Variants in CDH1 observed in about 807,000 individuals in gnomAD.
CDH1 encodes the protein cadherin-1.
A neutral mutation model predicts 84.5 loss-of-function variants in CDH1; 35 were observed. The observed-to-expected ratio is 0.41, with a 90% confidence interval of 0.32 to 0.55. The LOEUF is 0.55. Ranked by LOEUF, CDH1 falls within the 20% of genes least tolerant of loss-of-function variation. The pLI, the probability that CDH1 is intolerant of heterozygous loss-of-function variation, is 0.19. For missense variants in CDH1, 994 were observed against 1,126.6 expected, an observed-to-expected ratio of 0.88 and a Z score of 1.68; for synonymous variants, 417 against 439.0, an observed-to-expected ratio of 0.95 and a Z score of 0.63.
At chr16:68,746,122 T>A (rs1316971718) in intron 2 of CDH1, among the ~76,000 whole-genome samples, 1 of 152,196 alleles carries the variant, frequency 6.6e-6, no homozygotes, top group African/African-American at 2.4e-5. Flanking sequence ...CAGCCTTGAA[T>A]TTGATGTTTT....
intron 2 of CDH1, among the ~76,000 whole-genome samples, chr16:68,774,723 G>A (rs1597866145): frequency 6.6e-6 from 1 of 152,180 alleles, no homozygotes; most frequent in Admixed American, 6.5e-5. Context: ...CTGGGCAGCA[G>A]CTGGAGGGTG....
chr16:68,794,053 A>T (rs1304648685), intron 2 of CDH1, among the ~76,000 whole-genome samples: 1 of 151,110 alleles, frequency 6.6e-6, no homozygotes, highest in Non-Finnish European at 1.5e-5. Flanking sequence ...TTGTTTTTTG[A>T]TACAAGGTCT....
intron 2 of CDH1, among the ~76,000 whole-genome samples, chr16:68,787,117 T>A (rs561978265): frequency 6.6e-6 from 1 of 152,200 alleles, no homozygotes; most frequent in Non-Finnish European, 1.5e-5. Context: ...TGGCCCTAGA[T>A]TGATGCGTGT....
chr16:68,821,265 G>T (rs1961135504), intron 11 of CDH1, among the ~76,000 whole-genome samples: 1 of 152,076 alleles, frequency 6.6e-6, no homozygotes, highest in Non-Finnish European at 1.5e-5. Flanking sequence ...TTGAGCTCAA[G>T]AGTTCAAGAC....
rs1205357015 is a variant in CDH1, at chr16:68,812,115, T to C, written c.1009-20T>C. On this transcript the variant is annotated intron_variant, in intron 7 of 15. Transcript: ENST00000261769. The stretch of plus-strand genomic sequence containing the variant: ...GCTAGTGTTCCTGGTCCTGACTTGG[T>C]TGTGTCGATCTCTCTGCAGAGTTTC... The C allele has an allele frequency of 6.2e-7, 1 of 1,613,896 alleles. No homozygotes were observed. Among genetic ancestry groups the C allele is most frequent in the African/African-American group, 1.3e-5 (1 of 74,906 alleles).
chr16:68,777,014 G>T (rs758929481), intron 2 of CDH1, among the ~76,000 whole-genome samples: 3 of 152,132 alleles, frequency 2.0e-5, no homozygotes, highest in African/African-American at 7.2e-5. Flanking sequence ...TGTAACCACC[G>T]TGCAGTCCCA....
At position 68,801,724 on chromosome 16, in the gene CDH1, C is replaced by T. The variant is rs1555514410; in HGVS notation, c.218C>T (p.Thr73Ile). Residue 73 changes from threonine (T) to isoleucine (I), a missense_variant, in exon 3 of 16, where the codon ACC becomes ATC. By Grantham distance (89) the Thr-to-Ile change is moderately conservative. This residue lies in a region of CDH1 where 203 missense variants were observed against 194.0 expected (regional missense o/e 1.05). Transcript: ENST00000261769. ...RQRTAYFSLD[T>I]RFKVGTDGVI... ...AGGACAGCCTATTTTTCCCTCGACA[C>T]CCGATTCAAAGTGGGCACAGATGGT... The T allele has an allele frequency of 6.2e-7, 1 of 1,614,186 alleles. No individual in the cohort carries two copies. The highest frequency in any genetic ancestry group is 8.5e-7 in the Non-Finnish European group (1 of 1,180,028).
In CDH1 at chr16:68,813,138, G is replaced by A. The variant is rs531521629; in HGVS notation, c.1138-175G>A. ...AGGCTGAGGTGGGAGGATTGCTTGAGCCCAGGAGGTTGAGGCTACAGTGAG... is the reference window on the plus strand; with the variant it reads ...AGGCTGAGGTGGGAGGATTGCTTGAACCCAGGAGGTTGAGGCTACAGTGAG... On this transcript the variant is annotated intron_variant, in intron 8 of 15. Transcript: ENST00000261769. Among the ~76,000 whole-genome samples, 270 of 152,080 alleles carry A rather than the reference G, an allele frequency of 1.8e-3. 1 individual carries two copies. The highest frequency in any genetic ancestry group is 5.2e-3 in the African/African-American group (215 of 41,510).
At chr16:68,792,865 A>T (rs565292515) in intron 2 of CDH1, among the ~76,000 whole-genome samples, 2 of 152,312 alleles carry the variant, frequency 1.3e-5, no homozygotes, top group South Asian at 2.1e-4. Flanking sequence ...ACAGAAGCCA[A>T]GGGGACTTTG....
chr16:68,760,454 A>C (rs991210975), intron 2 of CDH1, among the ~76,000 whole-genome samples: 1 of 151,906 alleles, frequency 6.6e-6, no homozygotes, highest in Non-Finnish European at 1.5e-5. Context: ...AAAGATGGGA[A>C]TGTGAATTGT....
At position 68,822,230 on chromosome 16, in the gene CDH1, G is replaced by GT; in HGVS notation, c.1936+6dup. The stretch of plus-strand genomic sequence containing the variant: ...CCATTCAGTACAACGACCCAAGTGG[G>GT]TACCTGAGTTTTATTTTGGCAACTT... On this transcript the variant is annotated splice_donor_region_variant and intron_variant, in intron 12 of 15. Transcript: ENST00000261769. The GT allele has an allele frequency of 3.1e-6, 5 of 1,610,038 alleles. No individual in the cohort carries two copies. In the South Asian group the frequency reaches 3.3e-5, roughly 11 times the overall value.
chr16:68,831,189 C>T (rs1361478747), intron 15 of CDH1, among the ~76,000 whole-genome samples: 1 of 149,604 alleles, frequency 6.7e-6, no homozygotes, highest in East Asian at 2.0e-4. Flanking sequence ...CACCATTCTC[C>T]TGGCTCAGCC....
Position 68,737,328 on chromosome 16 carries a change from G to A in CDH1, c.-88G>A, listed in dbSNP as rs1481940627. 1 of 1,125,654 alleles carries A rather than the reference G, an allele frequency of 8.9e-7. No homozygotes were observed. Among genetic ancestry groups the A allele is most frequent in the Non-Finnish European group, 1.3e-6 (1 of 794,686 alleles). 69.7% of individuals were successfully genotyped at this position (1,125,654 alleles called of 1,614,324 possible). A position where few individuals can be genotyped will look rare whatever the true frequency, so the allele number is the denominator to read the frequency against. On this transcript the variant is annotated 5_prime_UTR_variant, in exon 1 of 16. Transcript: ENST00000261769. ...AACTGCAAAGCACCTGTGAGCTTGC[G>A]GAAGTCAGTTCAGACTCCAGCCCGC...
intron 2 of CDH1, among the ~76,000 whole-genome samples, chr16:68,760,945 G>T (rs1959215393): frequency 6.6e-6 from 1 of 152,146 alleles, no homozygotes; most frequent in Admixed American, 6.5e-5. Context: ...AGAGGTGGGG[G>T]CGGGACCTCC....
At position 68,801,451 on chromosome 16, in the gene CDH1, T is replaced by C. The variant is rs35739065; in HGVS notation, c.164-219T>C. ...TTTCTAGACAAGATAATATTTTCAA[T>C]TGACAAGAAGATGAGAAAGAAATCA... is the stretch of plus-strand genomic sequence containing the variant. On this transcript the variant is annotated intron_variant, in intron 2 of 15. Coordinates refer to ENST00000261769, the MANE Select transcript of CDH1 (RefSeq NM_004360.5). Among the ~76,000 whole-genome samples, 318 of 152,232 alleles carry C rather than the reference T, an allele frequency of 2.1e-3. 2 individuals are homozygous for C. The highest frequency in any genetic ancestry group is 7.3e-3 in the African/African-American group (304 of 41,542).
intron 2 of CDH1, among the ~76,000 whole-genome samples, chr16:68,743,355 C>CTTTTT (rs370518691): frequency 3.8e-5 from 1 of 26,172 alleles, no homozygotes; most frequent in Non-Finnish European, 7.9e-5. Context: ...TTCTTTCTTT[C>CTTTTT]TTTCTTTCTT....
chr16:68,818,533 C>CTTTTT (rs869272949), intron 10 of CDH1, among the ~76,000 whole-genome samples: 1 of 123,350 alleles, frequency 8.1e-6, no homozygotes, highest in Non-Finnish European at 1.8e-5. Context: ...TCTTGGTTTT[C>CTTTTT]TTTTTTTTTT....
chr16:68,767,364 T>G (rs1269274938), intron 2 of CDH1, among the ~76,000 whole-genome samples: 1 of 151,718 alleles, frequency 6.6e-6, no homozygotes, highest in African/African-American at 2.4e-5. Context: ...CCGGCTAATT[T>G]TTTTTGTATT....
chr16:68,834,325 T>C lies in CDH1; in HGVS notation c.*826T>C, dbSNP rs1314914071. The stretch of plus-strand genomic sequence containing the variant: ...CGCCCAGGCCTGGGATGCAGTGATG[T>C]GATCATAGCTCACTGTAACCTCAAA... On this transcript the variant is annotated 3_prime_UTR_variant, in exon 16 of 16. Coordinates refer to ENST00000261769, the MANE Select transcript of CDH1 (RefSeq NM_004360.5). The C allele has an allele frequency of 6.0e-6, 3 of 502,702 alleles. No homozygotes were observed. Among genetic ancestry groups the C allele is most frequent in the Admixed American group, 4.7e-5 (2 of 42,968 alleles). The allele number at this position is 502,702 out of a possible 1,614,324, so 31.1% of individuals were successfully genotyped here.
Sources: gnomAD v4.1 joint callset for allele counts (sites outside exome capture counted in the v4.1 genomes callset) on GRCh38, gnomAD v4.1.1 for gene constraint, gnomAD v4.1.1 regional missense constraint, MANE v1.5 for transcripts, NCBI Gene and HGNC (gene_info 2026-07-23, HGNC 2026-07-21) for gene names.